RELCH: variants seen among roughly 807,000 people sequenced by gnomAD.
RELCH encodes the protein RAB11 binding and LisH domain, coiled-coil and HEAT repeat containing.
In RELCH, 41 loss-of-function variants were observed where a neutral mutation model predicts 150.3. The observed-to-expected ratio is 0.27, with a 90% CI of 0.21 to 0.35. RELCH has a LOEUF of 0.35. RELCH is among the 10% of genes least tolerant of loss of function. The probability of loss-of-function intolerance (pLI) is 1.00; values close to 1 mark genes in which losing one functional copy is unlikely to be tolerated. For synonymous variants in RELCH, 478 were observed against 531.8 expected (o/e 0.90, Z 1.39); for missense variants, 1,092 against 1,467.8 (o/e 0.74, Z 4.18).
At chr18:62,282,494 G>A in intron 25 of RELCH, 50 bp downstream of exon 25, 1 of 1,575,770 alleles carries the variant, frequency 6.3e-7, no homozygotes, top group Non-Finnish European at 8.7e-7. Flanking sequence ...TAAGATCAAA[G>A]CTAGACACTC....
In RELCH at chr18:62,261,616, T is replaced by G; in HGVS notation, c.2308T>G (p.Ser770Ala). The G allele has an allele frequency of 6.2e-7, 1 of 1,611,586 alleles. No individual in the cohort carries two copies. Residue 770 changes from serine (S) to alanine (A), a missense_variant, in exon 16 of 29, where the codon TCC (serine) becomes GCC (alanine). Ser to Ala is a moderately conservative substitution (Grantham distance 99, BLOSUM62 1). Around this residue, in one of 4 missense-constraint regions of RELCH, gnomAD observed 707 missense variants for 1,025.4 expected, o/e 0.69. Coordinates refer to ENST00000644646, the MANE Select transcript of RELCH (RefSeq NM_001346231.2). ...ATTAGTGCTACAGAATGCACCTTTCTCCAGCAAAGCCAAGCTTCATGGTGA... is the reference window on the plus strand; with the variant it reads ...ATTAGTGCTACAGAATGCACCTTTCGCCAGCAAAGCCAAGCTTCATGGTGA... Reference protein sequence around the residue: ...FALVLQNAPFSSKAKLHGEVP... With the variant: ...FALVLQNAPFASKAKLHGEVP...
At chr18:62,191,820 T>C (rs1244261552) in intron 1 of RELCH, among the ~76,000 whole-genome samples, 1 of 152,200 alleles carries the variant, frequency 6.6e-6, no homozygotes, top group African/African-American at 2.4e-5. Context: ...TTGATTCCCA[T>C]GTCTTTCCTA....
At chr18:62,217,754 T>C (rs2040575636) in intron 2 of RELCH, among the ~76,000 whole-genome samples, 1 of 151,878 alleles carries the variant, frequency 6.6e-6, no homozygotes, top group East Asian at 1.9e-4. Context: ...AGTGTGTAAA[T>C]TAAGAAAATG....
intron 1 of RELCH, among the ~76,000 whole-genome samples, chr18:62,208,953 G>T (rs1599837233): frequency 6.6e-6 from 1 of 152,260 alleles, no homozygotes; most frequent in East Asian, 1.9e-4. Flanking sequence ...CCTTTTCCAG[G>T]TCCTAGAGGA....
intron 11 of RELCH, among the ~76,000 whole-genome samples, chr18:62,249,917 T>C (rs2148524327): frequency 6.6e-6 from 1 of 152,318 alleles, no homozygotes; most frequent in African/African-American, 2.4e-5. Context: ...CAGTTATTTT[T>C]CTTAATGAAT....
chr18:62,239,075 A>G (rs1014520897), intron 10 of RELCH, among the ~76,000 whole-genome samples: 3 of 152,110 alleles, frequency 2.0e-5, no homozygotes, highest in Non-Finnish European at 2.9e-5. Flanking sequence ...AGTATAGTGG[A>G]TAAGTGTAAT....
chr18:62,295,354 T>C (rs1303313127), intron 27 of RELCH, among the ~76,000 whole-genome samples: 3 of 150,662 alleles, frequency 2.0e-5, no homozygotes, highest in Non-Finnish European at 4.4e-5. Context: ...TTAAAGTTAG[T>C]TTTGAATAGG....
At chr18:62,279,750 A>G in intron 22 of RELCH, 24 bp from the exon 23 acceptor site, 1 of 1,478,966 alleles carries the variant, frequency 6.8e-7, no homozygotes, top group Non-Finnish European at 9.1e-7. Context: ...TCACCTGTGA[A>G]TACCCCCTGT....
chr18:62,268,855 T>A lies in RELCH; in HGVS notation c.2681-14T>A. On this transcript the variant is annotated splice_polypyrimidine_tract_variant and intron_variant, in intron 19 of 28. Transcript: ENST00000644646. ...ATATACTTATGTTTTTTTAAATTAT[T>A]TTAATAATTTTAGATTCCTCAGCAG... is the stretch of plus-strand genomic sequence containing the variant. The A allele has an allele frequency of 7.4e-7, 1 of 1,350,100 alleles. No homozygotes were observed. Among genetic ancestry groups the A allele is most frequent in the Non-Finnish European group, 1.0e-6 (1 of 996,138 alleles). The allele number at this position is 1,350,100 out of a possible 1,614,324, so 83.6% of individuals were successfully genotyped here.
At chr18:62,231,171 C>T (rs778513273) in intron 8 of RELCH, 23 bp from the exon 9 acceptor site, 2 of 1,464,586 alleles carry the variant, frequency 1.4e-6, no homozygotes, top group Admixed American at 3.5e-5. Context: ...GATATTGTCT[C>T]TTTTTCATAC....
chr18:62,211,051 G>C (rs2040128438), intron 1 of RELCH, 102 bp from the exon 2 acceptor site: 2 of 585,428 alleles, frequency 3.4e-6, no homozygotes, highest in African/African-American at 1.9e-5. Flanking sequence ...CTGGATCTTA[G>C]AATTCCAGGT....
At position 62,308,120 on chromosome 18, in the gene RELCH, T is replaced by A. The variant is rs1206380740; in HGVS notation, c.*2586T>A. 2 of 152,214 alleles carry A rather than the reference T, an allele frequency of 1.3e-5. No homozygotes were observed. Among genetic ancestry groups the A allele is most frequent in the African/African-American group, 4.8e-5 (2 of 41,462 alleles). 9.4% of individuals were successfully genotyped at this position (152,214 alleles called of 1,614,324 possible). ...ATGGGGGTCTCAAGTCAAGGTGCTA[T>A]CACATTCTTGTTTTTAAAAAGTTGG... On this transcript the variant is annotated 3_prime_UTR_variant, in exon 29 of 29. Transcript: ENST00000644646.
At chr18:62,258,174 T>C in intron 14 of RELCH, 86 bp downstream of exon 14, 1 of 1,214,514 alleles carries the variant, frequency 8.2e-7, no homozygotes. Flanking sequence ...AGATACTTTA[T>C]AATGTATCAT....
At chr18:62,304,772 C>T (rs547822123) in intron 28 of RELCH, among the ~76,000 whole-genome samples, 133 of 152,232 alleles carry the variant, frequency 8.7e-4, no homozygotes, top group African/African-American at 3.1e-3. Flanking sequence ...TGTTTATTCC[C>T]TACAGAGCAG....
In RELCH at chr18:62,255,494, T is replaced by G. The variant is rs1446558357; in HGVS notation, c.1896+16T>G. On this transcript the variant is annotated intron_variant, in intron 13 of 28. Coordinates refer to ENST00000644646, the MANE Select transcript of RELCH (RefSeq NM_001346231.2). The stretch of plus-strand genomic sequence containing the variant: ...TTACCTTCCTGTAAGATTGTCTTTT[T>G]TTTTTTCTTTAAACTATTTTTCCAA... 1.9e-6 allele frequency: 3 copies of G among 1,568,710 alleles called. No individual in the cohort carries two copies. Among genetic ancestry groups the G allele is most frequent in the Non-Finnish European group, 2.6e-6 (3 of 1,159,760 alleles).
intron 1 of RELCH, among the ~76,000 whole-genome samples, chr18:62,207,449 G>A (rs1409227495): frequency 3.3e-5 from 5 of 152,124 alleles, no homozygotes; most frequent in Non-Finnish European, 5.9e-5. Context: ...TGTGAATAAT[G>A]CTGCTATGAA....
Position 62,309,467 on chromosome 18 carries a change from T to A in RELCH, c.*3933T>A, listed in dbSNP as rs145652023. 2.6e-5 allele frequency: 4 copies of A among 152,312 alleles called. No individual in the cohort carries two copies. Among genetic ancestry groups the A allele is most frequent in the African/African-American group, 9.6e-5 (4 of 41,572 alleles). The allele number at this position is 152,312 out of a possible 1,614,324, so 9.4% of individuals were successfully genotyped here. Reference sequence around the variant, plus strand: ...GTACAGGAAACTGTTTTGATTGTCTTTTTTGTGGTTTACTTTGCATGTTTA... The same window carrying A: ...GTACAGGAAACTGTTTTGATTGTCTATTTTGTGGTTTACTTTGCATGTTTA... On this transcript the variant is annotated 3_prime_UTR_variant, in exon 29 of 29. Transcript: ENST00000644646.
chr18:62,304,204 T>C (rs1312808990), intron 28 of RELCH, among the ~76,000 whole-genome samples: 1 of 152,216 alleles, frequency 6.6e-6, no homozygotes, highest in African/African-American at 2.4e-5. Flanking sequence ...AGGGATGCGA[T>C]TCAATTTGAA....
rs2045918323 is a variant in RELCH at position 62,307,674 on chromosome 18, C to G, written c.*2140C>G. 1 of 151,284 alleles carries G rather than the reference C, an allele frequency of 6.6e-6. No individual in the cohort carries two copies. Among genetic ancestry groups the G allele is most frequent in the Non-Finnish European group, 1.5e-5 (1 of 67,986 alleles). The allele number at this position is 151,284 out of a possible 1,614,324, so 9.4% of individuals were successfully genotyped here. A position where few individuals can be genotyped will look rare whatever the true frequency, so the allele number is the denominator to read the frequency against. ...GAGTCCAAAATAGGGCATAAAACTCCCATACTCATTCCTTTTAAACAGAAG... is the reference window on the plus strand; with the variant it reads ...GAGTCCAAAATAGGGCATAAAACTCGCATACTCATTCCTTTTAAACAGAAG... On this transcript the variant is annotated 3_prime_UTR_variant, in exon 29 of 29. Coordinates refer to ENST00000644646, the MANE Select transcript of RELCH (RefSeq NM_001346231.2).
Sources: gnomAD v4.1 joint callset for allele counts (sites outside exome capture counted in the v4.1 genomes callset) on GRCh38, gnomAD v4.1.1 for gene constraint, gnomAD v4.1.1 regional missense constraint, MANE v1.5 for transcripts, NCBI Gene and HGNC (gene_info 2026-07-23, HGNC 2026-07-21) for gene names.